SGCA: variants seen among roughly 807,000 people sequenced by gnomAD.
SGCA encodes sarcoglycan alpha, also known as alpha-sarcoglycan.
SGCA carries 34 observed loss-of-function variants against 38.1 expected under a neutral mutation model. The observed-to-expected ratio is 0.89, with a 90% CI of 0.68 to 1.19. SGCA has a LOEUF of 1.19. SGCA is among the 50% of genes most tolerant of loss of function. The pLI, the probability that SGCA is intolerant of heterozygous loss-of-function variation, is 0.00. For missense variants in SGCA, 476 were observed against 524.9 expected, an observed-to-expected ratio of 0.91 and a Z score of 0.91; for synonymous variants, 209 against 214.6, an observed-to-expected ratio of 0.97 and a Z score of 0.23.
At chr17:50,169,621 A>G (rs1223234043) in intron 6 of SGCA, 1 of 337,336 alleles carries the variant, frequency 3.0e-6, no homozygotes, top group Non-Finnish European at 5.5e-6. Flanking sequence ...CTTTTCTGTA[A>G]GGTGCCACCT....
chr17:50,175,834 GGGGGT>G lies in SGCA; in HGVS notation c.*147_*151del. ...CCCAGGCTCTAAACAAGCAGGGAGAGGGGGTGGGGTGGGGTGAGAGTGTGTGGAGT... is the reference window on the plus strand; with the variant it reads ...CCCAGGCTCTAAACAAGCAGGGAGAGGGGGTGGGGTGAGAGTGTGTGGAGT... On this transcript the variant is annotated 3_prime_UTR_variant, in exon 10 of 10. Coordinates refer to ENST00000262018, the MANE Select transcript of SGCA (RefSeq NM_000023.4). The G allele has an allele frequency of 2.1e-6, 1 of 476,954 alleles. No homozygotes were observed. Among genetic ancestry groups the G allele is most frequent in the Non-Finnish European group, 4.2e-6 (1 of 240,864 alleles). 29.5% of individuals were successfully genotyped at this position (476,954 alleles called of 1,614,324 possible).
At chr17:50,169,503 G>A in intron 6 of SGCA, 1 of 542,498 alleles carries the variant, frequency 1.8e-6, no homozygotes, top group Non-Finnish European at 3.3e-6. Flanking sequence ...ATCCGCATGT[G>A]GGGTCTCCAA....
chr17:50,167,824 T>A lies in SGCA; in HGVS notation c.312+88T>A. 1.3e-6 allele frequency: 2 copies of A among 1,547,334 alleles called. No homozygotes were observed. The highest frequency in any genetic ancestry group is 1.8e-6 in the Non-Finnish European group (2 of 1,119,842). ...CTATGAATTGGGATTGGGTGCTCATTCACAGTCATTTACATATAATTTACA... is the reference window on the plus strand; with the variant it reads ...CTATGAATTGGGATTGGGTGCTCATACACAGTCATTTACATATAATTTACA... On this transcript the variant is annotated intron_variant, in intron 3 of 9. Transcript: ENST00000262018. The surrounding 1 kb of genome is among the most constrained non-coding windows in gnomAD (Gnocchi z 4.5).
At position 50,169,169 on chromosome 17, in the gene SGCA, G is replaced by T; in HGVS notation, c.662G>T (p.Arg221Leu). ...GTGGCATCCCCCGATAGCCACGCCC[G>T]CTGTGCCCAGGGCCAGCCTCCACTT... ...KMVASPDSHA[R>L]CAQGQPPLLS... is the part of the protein sequence containing the mutation. The change falls in exon 6 of 10, where the codon CGC becomes CTC. Residue 221 changes from arginine to leucine, a missense_variant. Coordinates refer to ENST00000262018, the MANE Select transcript of SGCA (RefSeq NM_000023.4). 1.2e-6 allele frequency: 2 copies of T among 1,613,916 alleles called. No homozygotes were observed. The highest frequency in any genetic ancestry group is 1.1e-5 in the South Asian group (1 of 91,072).
chr17:50,171,425 A>G, intron 8 of SGCA: 1 of 440,782 alleles, frequency 2.3e-6, no homozygotes, highest in Non-Finnish European at 4.6e-6. Context: ...CAGGAGGCAG[A>G]TGTGAAATAA....
intron 8 of SGCA, chr17:50,172,382 G>A: frequency 2.3e-6 from 1 of 435,830 alleles, no homozygotes; most frequent in South Asian, 1.6e-5. Context: ...AACATGCCAG[G>A]TGTCCTGGGG....
Position 50,167,789 on chromosome 17 carries a change from A to C in SGCA, c.312+53A>C. On this transcript the variant is annotated intron_variant, in intron 3 of 9. Coordinates refer to ENST00000262018, the MANE Select transcript of SGCA (RefSeq NM_000023.4). The surrounding 1 kb of genome is among the most constrained non-coding windows in gnomAD (Gnocchi z 4.5). ...CAGGGGTGGGCCAGAGTGGCCTCCT[A>C]GGAGCAGCCCTATGAATTGGGATTG... is the stretch of plus-strand genomic sequence containing the variant. The C allele has an allele frequency of 2.5e-6, 4 of 1,592,750 alleles. No homozygotes were observed. The highest frequency in any genetic ancestry group is 3.4e-6 in the Non-Finnish European group (4 of 1,163,478).
chr17:50,171,203 C>T (rs1306738754), intron 8 of SGCA, among the ~76,000 whole-genome samples: 1 of 152,226 alleles, frequency 6.6e-6, no homozygotes, highest in African/African-American at 2.4e-5. Flanking sequence ...CTCTGCCACA[C>T]AATTACTCTG....
chr17:50,170,010 G>A lies in SGCA; in HGVS notation c.748-133G>A, dbSNP rs1905241218. 4 of 751,366 alleles carry A rather than the reference G, an allele frequency of 5.3e-6. No individual in the cohort carries two copies. The Admixed American group carries it at 6.0e-5, about 11-fold the overall frequency. 46.5% of individuals were successfully genotyped at this position (751,366 alleles called of 1,614,324 possible). ...AGGAGGTCAGACCCTAGAGCTGTGC[G>A]CTAACCAGTGCACTGTCCCGCCTCT... On this transcript the variant is annotated intron_variant, in intron 6 of 9. Coordinates refer to ENST00000262018, the MANE Select transcript of SGCA (RefSeq NM_000023.4).
Position 50,167,742 on chromosome 17 carries a change from G to C in SGCA, c.312+6G>C. On this transcript the variant is annotated splice_donor_region_variant and intron_variant, in intron 3 of 9. Transcript: ENST00000262018. This position sits in a 1 kb window ranked among gnomAD's most constrained non-coding sequence, Gnocchi z 4.5. ...GTGGGCTCCAGGTCATTGAGGTGCCGTCAGGGACCCTGAGAAAATCACAGG... is the reference window on the plus strand; with the variant it reads ...GTGGGCTCCAGGTCATTGAGGTGCCCTCAGGGACCCTGAGAAAATCACAGG... The C allele has an allele frequency of 6.2e-7, 1 of 1,605,642 alleles. No individual in the cohort carries two copies. The highest frequency in any genetic ancestry group is 8.5e-7 in the Non-Finnish European group (1 of 1,174,692).
At chr17:50,175,032 A>G in intron 8 of SGCA, 1 of 588,422 alleles carries the variant, frequency 1.7e-6, no homozygotes, top group Non-Finnish European at 3.1e-6. Context: ...CCTGACCTCA[A>G]GTGATCTGCC....
chr17:50,173,080 A>T (rs545246309), intron 8 of SGCA, among the ~76,000 whole-genome samples: 1 of 152,286 alleles, frequency 6.6e-6, no homozygotes, highest in South Asian at 2.1e-4. Flanking sequence ...TGTAGCTCTG[A>T]TGTTGTCAGA....
At chr17:50,171,192 G>C (rs1296758362) in intron 8 of SGCA, among the ~76,000 whole-genome samples, 1 of 152,184 alleles carries the variant, frequency 6.6e-6, no homozygotes, top group Non-Finnish European at 1.5e-5. Context: ...TCCAGGCCAG[G>C]CTCTGCCACA....
At chr17:50,169,361 C>T (rs1191224546) in intron 6 of SGCA, 107 bp downstream of exon 6, 2 of 974,268 alleles carry the variant, frequency 2.1e-6, no homozygotes, top group African/African-American at 3.3e-5. Flanking sequence ...TTGCTCCAGT[C>T]ACCATTTCTT....
chr17:50,168,592 G>A lies in SGCA; in HGVS notation c.584+20G>A. ...AGAAGGGTAGGTGTGCAACCCTAGAGGACTTCCTGAAAGAGGAGGATGCAG... is the reference window on the plus strand; with the variant it reads ...AGAAGGGTAGGTGTGCAACCCTAGAAGACTTCCTGAAAGAGGAGGATGCAG... On this transcript the variant is annotated intron_variant, in intron 5 of 9. Transcript: ENST00000262018. 2.6e-6 allele frequency: 4 copies of A among 1,549,044 alleles called. No individual in the cohort carries two copies. The highest frequency in any genetic ancestry group is 3.5e-6 in the Non-Finnish European group (4 of 1,143,504).
chr17:50,173,753 A>G (rs1905675465), intron 8 of SGCA, among the ~76,000 whole-genome samples: 1 of 152,136 alleles, frequency 6.6e-6, no homozygotes. Flanking sequence ...AGCTCACTGA[A>G]TTCCAGACTC....
intron 8 of SGCA, chr17:50,172,378 C>A (rs1285802712): frequency 2.3e-6 from 1 of 438,722 alleles, no homozygotes; most frequent in South Asian, 1.6e-5. Context: ...ATGTAACATG[C>A]CAGGTGTCCT....
Position 50,169,107 on chromosome 17 carries a change from G to A in SGCA, c.600G>A (p.Val200=), listed in dbSNP as rs764188161. ...EGRKEGVYIK[V]GSASPFSTCL... The stretch of plus-strand genomic sequence containing the variant: ...CTGGTCCCAGGGTATACATTAAGGT[G>A]GGTTCTGCCTCACCTTTTTCTACTT... Residue 200 remains valine (V), a synonymous_variant, in exon 6 of 10, where the codon GTG becomes GTA. Transcript: ENST00000262018. 3.1e-6 allele frequency: 5 copies of A among 1,613,760 alleles called. No individual in the cohort carries two copies. In the Admixed American group the frequency reaches 6.7e-5, roughly 22 times the overall value.
At chr17:50,166,917 A>C (rs1315819789) in intron 1 of SGCA, among the ~76,000 whole-genome samples, 1 of 43,498 alleles carries the variant, frequency 2.3e-5, no homozygotes, top group African/African-American at 9.9e-5. Flanking sequence ...CACACCCCCC[A>C]CACACACCTT....
Sources: gnomAD v4.1 joint callset for allele counts (sites outside exome capture counted in the v4.1 genomes callset) on GRCh38, gnomAD v4.1.1 for gene constraint, Gnocchi (gnomAD v3.1) non-coding constraint, MANE v1.5 for transcripts, NCBI Gene and HGNC (gene_info 2026-07-23, HGNC 2026-07-21) for gene names.